NEDD4L: variants seen among roughly 807,000 people sequenced by gnomAD.
NEDD4L encodes E3 ubiquitin-protein ligase NEDD4-like.
NEDD4L carries 54 observed loss-of-function variants against 148.9 expected under a neutral mutation model. The ratio of observed to expected loss-of-function variants is 0.36; its 90% CI spans 0.29 to 0.45. The LOEUF (loss-of-function observed/expected upper bound fraction) is 0.45. Ranked by LOEUF, NEDD4L falls within the 20% of genes least tolerant of loss-of-function variation. NEDD4L has a pLI of 1.00. For synonymous variants in NEDD4L, 433 were observed against 440.7 expected (o/e 0.98, Z 0.22); for missense variants, 856 against 1,233.8 (o/e 0.69, Z 4.59).
At chr18:58,189,522 G>A (rs1156296024) in intron 2 of NEDD4L, among the ~76,000 whole-genome samples, 1 of 152,200 alleles carries the variant, frequency 6.6e-6, no homozygotes, top group Admixed American at 6.5e-5. Context: ...TCCAAGTTCA[G>A]AACAAGTGCA....
At chr18:58,045,427 A>T in intron 1 of NEDD4L, 1 of 320,008 alleles carries the variant, frequency 3.1e-6, no homozygotes. Flanking sequence ...GGGAGAGGAA[A>T]GCTTAATTGA....
intron 1 of NEDD4L, among the ~76,000 whole-genome samples, chr18:58,067,097 A>G (rs921523773): frequency 1.3e-5 from 2 of 152,236 alleles, no homozygotes; most frequent in African/African-American, 4.8e-5. Context: ...GTCAACTTTA[A>G]TGAGTTTTGA....
At chr18:58,384,700 G>T (rs1428081318) in intron 25 of NEDD4L, among the ~76,000 whole-genome samples, 1 of 152,108 alleles carries the variant, frequency 6.6e-6, no homozygotes, top group Non-Finnish European at 1.5e-5. Context: ...CTCCCCTGGT[G>T]CCAGAAGAAT....
intron 2 of NEDD4L, chr18:58,195,483 C>T (rs534642675): frequency 1.6e-5 from 21 of 1,343,316 alleles, no homozygotes; most frequent in South Asian, 4.6e-5. Context: ...TTAAGCCGCG[C>T]GAGGGTGCCC....
intron 5 of NEDD4L, among the ~76,000 whole-genome samples, chr18:58,307,322 G>A (rs1243879496): frequency 6.6e-6 from 1 of 152,182 alleles, no homozygotes; most frequent in African/African-American, 2.4e-5. Context: ...GCTTGGTGGA[G>A]AGTTCCTGCT....
chr18:58,219,675 T>G (rs1388106559), intron 2 of NEDD4L, among the ~76,000 whole-genome samples: 1 of 152,200 alleles, frequency 6.6e-6, no homozygotes, highest in Non-Finnish European at 1.5e-5. Flanking sequence ...CACAGTCATA[T>G]TGGATTGGGA....
intron 1 of NEDD4L, among the ~76,000 whole-genome samples, chr18:58,062,415 G>A (rs889710317): frequency 6.6e-6 from 1 of 152,174 alleles, no homozygotes; most frequent in Non-Finnish European, 1.5e-5. Flanking sequence ...TCTGATCATG[G>A]AGTTTGGTGA....
intron 11 of NEDD4L, among the ~76,000 whole-genome samples, chr18:58,332,818 T>TGA (rs1771405667): frequency 6.6e-6 from 1 of 152,232 alleles, no homozygotes. Flanking sequence ...CTTCTGTGTG[T>TGA]GACCTGCTGC....
At chr18:58,321,356 A>G (rs1376455406) in intron 6 of NEDD4L, among the ~76,000 whole-genome samples, 2 of 152,236 alleles carry the variant, frequency 1.3e-5, no homozygotes, top group Non-Finnish European at 2.9e-5. Context: ...TGTCCAGCAG[A>G]GGGACCTGCC....
chr18:58,350,572 A>G (rs557181688), intron 17 of NEDD4L, among the ~76,000 whole-genome samples: 1 of 152,340 alleles, frequency 6.6e-6, no homozygotes, highest in South Asian at 2.1e-4. Flanking sequence ...TAATACCAAT[A>G]TTAGATCATC....
chr18:58,255,372 T>C (rs2048388336), intron 5 of NEDD4L: 1 of 444,710 alleles, frequency 2.2e-6, no homozygotes. Context: ...GAAGCTGGCA[T>C]TGGAGGGGGA....
chr18:58,392,183 G>A (rs1467719705), intron 30 of NEDD4L, among the ~76,000 whole-genome samples: 6 of 152,246 alleles, frequency 3.9e-5, no homozygotes, highest in Non-Finnish European at 7.3e-5. Flanking sequence ...GACTGGATGG[G>A]ATCAGTTTCT....
At chr18:58,116,220 C>T (rs1032322980) in intron 1 of NEDD4L, among the ~76,000 whole-genome samples, 1 of 152,248 alleles carries the variant, frequency 6.6e-6, no homozygotes, top group Non-Finnish European at 1.5e-5. Flanking sequence ...TTCTTACTTC[C>T]AGTCTTCTTG....
intron 1 of NEDD4L, among the ~76,000 whole-genome samples, chr18:58,137,830 G>C (rs1176324248): frequency 1.3e-5 from 2 of 152,190 alleles, no homozygotes; most frequent in African/African-American, 4.8e-5. Flanking sequence ...CGTAAGCTGG[G>C]TGGTTTATAT....
At chr18:58,103,974 G>T (rs1470882167) in intron 1 of NEDD4L, among the ~76,000 whole-genome samples, 3 of 152,248 alleles carry the variant, frequency 2.0e-5, no homozygotes, top group Non-Finnish European at 4.4e-5. Flanking sequence ...AGGATGAAAT[G>T]TATGCTTATT....
At chr18:58,117,652 A>G (rs2085937637) in intron 1 of NEDD4L, among the ~76,000 whole-genome samples, 1 of 152,164 alleles carries the variant, frequency 6.6e-6, no homozygotes, top group Non-Finnish European at 1.5e-5. Flanking sequence ...GGGCACCTGT[A>G]TACATTTGCG....
At chr18:58,145,927 C>A (rs1349619174) in intron 1 of NEDD4L, among the ~76,000 whole-genome samples, 1 of 151,948 alleles carries the variant, frequency 6.6e-6, no homozygotes, top group African/African-American at 2.4e-5. Context: ...TATTAGTGAG[C>A]TTGAGGATGT....
intron 1 of NEDD4L, among the ~76,000 whole-genome samples, chr18:58,143,773 C>G (rs2033808053): frequency 6.6e-6 from 1 of 152,130 alleles, no homozygotes; most frequent in South Asian, 2.1e-4. Context: ...GGTGGTGTGA[C>G]AGCCCACAGC....
At chr18:58,221,651 A>G (rs1428958962) in intron 2 of NEDD4L, 1 of 985,466 alleles carries the variant, frequency 1.0e-6, no homozygotes, top group Non-Finnish European at 1.2e-6. Flanking sequence ...GGAAGGAGGA[A>G]GACGAGGCCA....
Sources: gnomAD v4.1 joint callset for allele counts (sites outside exome capture counted in the v4.1 genomes callset) on GRCh38, gnomAD v4.1.1 for gene constraint, MANE v1.5 for transcripts, NCBI Gene and HGNC (gene_info 2026-07-23, HGNC 2026-07-21) for gene names.